LCORL: variants seen among roughly 807,000 people sequenced by gnomAD.
LCORL encodes the protein ligand dependent nuclear receptor corepressor like, also known as ligand-dependent nuclear receptor corepressor-like protein.
In LCORL, 41 loss-of-function variants were observed where a neutral mutation model predicts 141.8. That is an observed-to-expected ratio of 0.29 (90% confidence interval 0.23 to 0.38). The LOEUF is 0.38. Ranked by LOEUF, LCORL falls within the 10% of genes least tolerant of loss-of-function variation. LCORL has a pLI of 1.00. For missense variants in LCORL, 1,759 were observed against 2,035.0 expected (o/e 0.86, Z 2.61); for synonymous variants, 618 against 694.1 (o/e 0.89, Z 1.72).
At chr4:17,872,258 C>T (rs1726436642) in intron 7 of LCORL, among the ~76,000 whole-genome samples, 1 of 152,008 alleles carries the variant, frequency 6.6e-6, no homozygotes, top group East Asian at 1.9e-4. Context: ...ATAAGAAGAG[C>T]TGGAAATGGC....
At chr4:17,936,326 A>G (rs1433226042) in intron 4 of LCORL, among the ~76,000 whole-genome samples, 1 of 151,146 alleles carries the variant, frequency 6.6e-6, no homozygotes, top group Non-Finnish European at 1.5e-5. Context: ...TGGAACTACC[A>G]GATTTTAGAT....
chr4:17,842,907 G>GT (rs1340737042), exon 8 of LCORL: 4 of 161,458 alleles, frequency 2.5e-5, no homozygotes, highest in Non-Finnish European at 5.4e-5. Flanking sequence ...GGGGAAACTT[G>GT]TTTTTTACTA....
At chr4:17,872,399 A>G (rs1186325563) in intron 7 of LCORL, among the ~76,000 whole-genome samples, 1 of 152,154 alleles carries the variant, frequency 6.6e-6, no homozygotes, top group Non-Finnish European at 1.5e-5. Flanking sequence ...AACACTAACA[A>G]TAGCTGGTGA....
chr4:17,875,096 T>C, exon 7 of LCORL: 8 of 1,233,696 alleles, frequency 6.5e-6, no homozygotes, highest in Non-Finnish European at 8.1e-6. Flanking sequence ...GAGTGCACTG[T>C]TGGTCATACT....
intron 4 of LCORL, among the ~76,000 whole-genome samples, chr4:17,928,544 G>T (rs1735518197): frequency 6.6e-6 from 1 of 152,104 alleles, no homozygotes; most frequent in Admixed American, 6.6e-5. Flanking sequence ...TTCCTTCCAT[G>T]GCAAAAACAG....
At chr4:17,940,219 T>C (rs1478729536) in intron 4 of LCORL, among the ~76,000 whole-genome samples, 1 of 148,044 alleles carries the variant, frequency 6.8e-6, no homozygotes, top group Non-Finnish European at 1.5e-5. Flanking sequence ...TAGATATATA[T>C]GTATATAAAA....
chr4:17,870,826 T>C (rs1726257812), intron 7 of LCORL, among the ~76,000 whole-genome samples: 1 of 152,162 alleles, frequency 6.6e-6, no homozygotes. Flanking sequence ...TTTTTCTGCC[T>C]CCTTTCCATG....
rs541708765 is a variant in LCORL, at chr4:17,970,160, G to A, written c.220+2660C>T. Among the ~76,000 whole-genome samples the A allele has an allele frequency of 1.6e-4, 24 of 152,184 alleles. No individual in the cohort carries two copies. The South Asian group carries it at 4.2e-3, about 26-fold the overall frequency. ...AATAGAATGGAAAGTACCATAGTAC[G>A]GTGGAAAGTAGCAACAGCACATAAA... On this transcript the variant is annotated intron_variant, in intron 2 of 7. Coordinates refer to ENST00000635767, the Ensembl canonical transcript of LCORL.
At chr4:17,936,867 AC>A (rs1701578128) in intron 4 of LCORL, among the ~76,000 whole-genome samples, 1 of 152,162 alleles carries the variant, frequency 6.6e-6, no homozygotes, top group South Asian at 2.1e-4. Context: ...GTCTCTTCAC[AC>A]AGAATATTGC....
chr4:17,864,205 A>T (rs1179038337), intron 7 of LCORL, among the ~76,000 whole-genome samples: 1 of 152,194 alleles, frequency 6.6e-6, no homozygotes, highest in Admixed American at 6.5e-5. Context: ...TAAGTTAATG[A>T]TGTATACTAT....
chr4:17,990,548 T>G (rs2109773725), intron 1 of LCORL, among the ~76,000 whole-genome samples: 1 of 151,980 alleles, frequency 6.6e-6, no homozygotes, highest in African/African-American at 2.4e-5. Flanking sequence ...AGGGCTGTCT[T>G]AGAATTCTGC....
chr4:17,907,161 A>G (rs186343108), intron 5 of LCORL, among the ~76,000 whole-genome samples: 1 of 152,320 alleles, frequency 6.6e-6, no homozygotes, highest in Admixed American at 6.5e-5. Flanking sequence ...TCACTGGACC[A>G]TTCACAGAAA....
At chr4:17,863,956 A>G (rs1346523552) in intron 7 of LCORL, among the ~76,000 whole-genome samples, 1 of 152,180 alleles carries the variant, frequency 6.6e-6, no homozygotes, top group Non-Finnish European at 1.5e-5. Flanking sequence ...CTGAGTACAC[A>G]TCGACCAAAG....
At chr4:17,931,779 G>A (rs765512213) in intron 4 of LCORL, among the ~76,000 whole-genome samples, 10 of 151,984 alleles carry the variant, frequency 6.6e-5, no homozygotes, top group Non-Finnish European at 1.3e-4. Context: ...TATATTTTAT[G>A]TTATTTGAGA....
At chr4:17,842,487 A>G in exon 8 of LCORL, 2 of 848,000 alleles carry the variant, frequency 2.4e-6, no homozygotes, top group Non-Finnish European at 1.9e-6. Context: ...ATAACAAGAT[A>G]GTGAAAACTA....
intron 7 of LCORL, among the ~76,000 whole-genome samples, chr4:17,861,789 A>T (rs141623579): frequency 2.6e-4 from 40 of 152,238 alleles, no homozygotes; most frequent in African/African-American, 8.4e-4. Flanking sequence ...ATATACCCTA[A>T]ATCATCTTTC....
intron 7 of LCORL, among the ~76,000 whole-genome samples, chr4:17,850,991 A>G (rs1190187858): frequency 1.3e-5 from 2 of 149,728 alleles, no homozygotes; most frequent in Non-Finnish European, 3.0e-5. Context: ...ACATGGATGA[A>G]ATTGGAAATC....
At chr4:17,951,083 G>C (rs566983223) in intron 4 of LCORL, among the ~76,000 whole-genome samples, 1 of 152,252 alleles carries the variant, frequency 6.6e-6, no homozygotes, top group East Asian at 1.9e-4. Flanking sequence ...GTTCACTCTG[G>C]CTTAACTCAC....
At chr4:17,842,145 C>T in exon 8 of LCORL, 1 of 554,068 alleles carries the variant, frequency 1.8e-6, no homozygotes, top group Non-Finnish European at 3.3e-6. Context: ...GTTCCTTTTT[C>T]TGTGGCAGTG....
Sources: gnomAD v4.1 joint callset for allele counts (sites outside exome capture counted in the v4.1 genomes callset) on GRCh38, gnomAD v4.1.1 for gene constraint, MANE v1.5 for transcripts, NCBI Gene and HGNC (gene_info 2026-07-23, HGNC 2026-07-21) for gene names.